The following SPICE1 variants were observed in gnomAD, a reference collection of about 807,000 sequenced individuals.
SPICE1 encodes the protein spindle and centriole-associated protein 1.
SPICE1 carries 75 observed loss-of-function variants against 102.7 expected under a neutral mutation model. The observed-to-expected ratio is 0.73, with a 90% CI of 0.61 to 0.88. The LOEUF (loss-of-function observed/expected upper bound fraction) is 0.88. SPICE1 is among the 40% of genes least tolerant of loss of function. The pLI is 0.00. For synonymous variants in SPICE1, 308 were observed against 350.3 expected (o/e 0.88, Z 1.35); for missense variants, 979 against 1,020.1 (o/e 0.96, Z 0.55).
At chr3:113,514,236 A>C (rs1350432241) in intron 1 of SPICE1, among the ~76,000 whole-genome samples, 3 of 152,220 alleles carry the variant, frequency 2.0e-5, no homozygotes, top group East Asian at 1.9e-4. Flanking sequence ...TGAACACCTA[A>C]GACCATAGGA....
At chr3:113,498,933 T>C (rs565056305) in intron 4 of SPICE1, 1 of 152,666 alleles carries the variant, frequency 6.6e-6, no homozygotes, top group African/African-American at 2.4e-5. Flanking sequence ...ATTACTCAGT[T>C]GGACAAGCAT....
intron 7 of SPICE1, among the ~76,000 whole-genome samples, chr3:113,477,458 A>T (rs954249169): frequency 4.6e-5 from 7 of 151,152 alleles, no homozygotes; most frequent in African/African-American, 1.7e-4. Flanking sequence ...AGGACTATAA[A>T]TCATGCTGCT....
chr3:113,503,327 T>G, intron 2 of SPICE1, 100 bp from the exon 3 acceptor site: 1 of 1,177,616 alleles, frequency 8.5e-7, no homozygotes, highest in Middle Eastern at 3.0e-4. Flanking sequence ...TTCAAAATCC[T>G]AGGACCAAAA....
intron 4 of SPICE1, among the ~76,000 whole-genome samples, chr3:113,495,584 G>T (rs1559973800): frequency 6.6e-6 from 1 of 152,182 alleles, no homozygotes; most frequent in Non-Finnish European, 1.5e-5. Context: ...CCCCACAGGG[G>T]TGGTAGATGG....
At position 113,453,875 on chromosome 3, in the gene SPICE1, T is replaced by G. The variant is rs1293079716; in HGVS notation, c.1733A>C (p.Asn578Thr). 1 of 1,614,206 alleles carries G rather than the reference T, an allele frequency of 6.2e-7. No individual in the cohort carries two copies. The highest frequency in any genetic ancestry group is 8.5e-7 in the Non-Finnish European group (1 of 1,180,016). Residue 578 changes from asparagine (N) to threonine (T), a missense_variant, in exon 14 of 18, where the codon AAT (asparagine) becomes ACT (threonine). By Grantham distance (65) the Asn-to-Thr change is moderately conservative. Coordinates refer to ENST00000295872, the MANE Select transcript of SPICE1 (RefSeq NM_144718.4). ...AATAGGTAAGGTCTTCTCTTCCCAA[T>G]TTTGTTCCTTCTCAATTATTTCCAC... ...PTVEIIEKEQ[N>T]WEEKTLPIDT...
At chr3:113,468,935 G>A (rs889199455) in intron 8 of SPICE1, 36 bp from the exon 9 acceptor site, 1 of 1,589,284 alleles carries the variant, frequency 6.3e-7, no homozygotes. Context: ...TATCTCAAGT[G>A]AACAAACTTC....
intron 12 of SPICE1, among the ~76,000 whole-genome samples, chr3:113,458,637 G>A (rs1442295061): frequency 6.6e-6 from 1 of 151,968 alleles, no homozygotes; most frequent in African/African-American, 2.4e-5. Flanking sequence ...CCGCCACCCC[G>A]TCTAGGAAGT....
chr3:113,499,588 CAGAAG>C lies in SPICE1; in HGVS notation c.148-11_148-7del, dbSNP rs955665338. Reference sequence around the variant, plus strand: ...TGTATTTCATGACGGCGTACCTATACAGAAGAGAAAAGTACATAAAGGAATGTTTC... The same window carrying C: ...TGTATTTCATGACGGCGTACCTATACAGAAAAGTACATAAAGGAATGTTTC... On this transcript the variant is annotated splice_polypyrimidine_tract_variant and splice_region_variant and intron_variant, in intron 3 of 17. Transcript: ENST00000295872. 5 of 1,592,912 alleles carry C rather than the reference CAGAAG, an allele frequency of 3.1e-6. No individual in the cohort carries two copies. The highest frequency in any genetic ancestry group is 1.8e-5 in the Admixed American group (1 of 56,656).
At chr3:113,469,063 G>C (rs201941327) in intron 8 of SPICE1, 36 bp downstream of exon 8, 201 of 1,598,186 alleles carry the variant, frequency 1.3e-4, no homozygotes, top group Non-Finnish European at 5.2e-5. Context: ...ACCTAATAAA[G>C]CAGGCACCTA....
At chr3:113,497,501 T>C (rs923631440) in intron 4 of SPICE1, among the ~76,000 whole-genome samples, 4 of 152,104 alleles carry the variant, frequency 2.6e-5, no homozygotes, top group African/African-American at 9.7e-5. Context: ...TCCCAAGATA[T>C]GCTGGTAGAG....
At chr3:113,462,160 C>T (rs1004405021) in intron 11 of SPICE1, among the ~76,000 whole-genome samples, 2 of 152,204 alleles carry the variant, frequency 1.3e-5, no homozygotes, top group African/African-American at 4.8e-5. Context: ...TCACTTTTCA[C>T]ACCCTCTCCC....
chr3:113,459,314 G>A (rs917854008), intron 12 of SPICE1: 34 of 298,646 alleles, frequency 1.1e-4, no homozygotes, highest in Non-Finnish European at 1.5e-4. Flanking sequence ...AGGAAAACCA[G>A]AGACCTTTGT....
chr3:113,492,665 C>T (rs972647176), intron 6 of SPICE1, among the ~76,000 whole-genome samples: 3 of 152,100 alleles, frequency 2.0e-5, no homozygotes, highest in Admixed American at 6.6e-5. Flanking sequence ...CATAACTTTT[C>T]GCACCTGATC....
chr3:113,473,051 G>A (rs1936246095), intron 7 of SPICE1, among the ~76,000 whole-genome samples: 1 of 152,174 alleles, frequency 6.6e-6, no homozygotes, highest in African/African-American at 2.4e-5. Flanking sequence ...AAATTTAGAT[G>A]AATGTATAAC....
intron 13 of SPICE1, among the ~76,000 whole-genome samples, chr3:113,454,784 A>G (rs1032936786): frequency 7.9e-5 from 12 of 152,130 alleles, no homozygotes; most frequent in African/African-American, 2.9e-4. Flanking sequence ...TCACTTTATC[A>G]GACACAAGTG....
At chr3:113,494,614 T>C (rs1290118247) in intron 4 of SPICE1, among the ~76,000 whole-genome samples, 2 of 146,532 alleles carry the variant, frequency 1.4e-5, no homozygotes, top group African/African-American at 5.1e-5. Flanking sequence ...GCCACTGCAC[T>C]CCAGCCTGGG....
Position 113,453,842 on chromosome 3 carries a change from T to A in SPICE1, c.1766A>T (p.Asp589Val), listed in dbSNP as rs1576622328. The change falls in exon 14 of 18, where the codon GAC becomes GTC. Residue 589 changes from aspartate to valine, a missense_variant. Asp to Val is a radical substitution (Grantham distance 152, BLOSUM62 -3). Coordinates refer to ENST00000295872, the MANE Select transcript of SPICE1 (RefSeq NM_144718.4). ...WEEKTLPIDT[D>V]IQNSSEENRL... ...ATTCTCTTCACTTGAATTCTGAATG[T>A]CTGTATCAATAGGTAAGGTCTTCTC... is the stretch of plus-strand genomic sequence containing the variant. 6.2e-7 allele frequency: 1 copy of A among 1,614,234 alleles called. No homozygotes were observed. Among genetic ancestry groups the A allele is most frequent in the Non-Finnish European group, 8.5e-7 (1 of 1,180,038 alleles).
intron 7 of SPICE1, among the ~76,000 whole-genome samples, chr3:113,477,490 T>C (rs1251517794): frequency 4.0e-5 from 6 of 150,942 alleles, no homozygotes; most frequent in Non-Finnish European, 7.4e-5. Context: ...TGCACACATA[T>C]GTTTATTGTG....
rs765809180 is a variant in SPICE1, at chr3:113,506,563, C to A, written c.43G>T (p.Val15Leu). 7 of 1,613,488 alleles carry A rather than the reference C, an allele frequency of 4.3e-6. No homozygotes were observed. The highest frequency in any genetic ancestry group is 3.3e-5 in the Admixed American group (2 of 59,956). Residue 15 changes from valine to leucine, a missense_variant, in exon 2 of 18, where the codon GTA (valine) becomes TTA (leucine). By Grantham distance (32) the Val-to-Leu change is conservative. Coordinates refer to ENST00000295872, the MANE Select transcript of SPICE1 (RefSeq NM_144718.4). ...RVNRCGPRVG[V>L]RKTPKVKKKK... is the part of the protein sequence containing the mutation. The stretch of plus-strand genomic sequence containing the variant: ...TTCTTTACTTTCGGTGTCTTTCTTA[C>A]ACCAACTCGGGGACCACAGCGGTTC...
Sources: allele counts gnomAD v4.1 joint callset (sites outside exome capture counted in the v4.1 genomes callset), GRCh38; gene constraint gnomAD v4.1.1; transcripts MANE v1.5; gene names NCBI Gene and HGNC (gene_info 2026-07-23, HGNC 2026-07-21).